The following ENO4 variants were observed in gnomAD, a reference collection of about 807,000 sequenced individuals.
The protein encoded by ENO4 is 2-phospho-D-glycerate hydro-lyase.
ENO4 carries 53 observed loss-of-function variants against 63.2 expected under a neutral mutation model. The ratio of observed to expected loss-of-function variants is 0.84; its 90% confidence interval spans 0.67 to 1.05. The LOEUF (loss-of-function observed/expected upper bound fraction) is 1.05, where lower values mean the gene tolerates loss of function less well. Among genes scored for constraint, ENO4 ranks in the 50% least tolerant of loss-of-function variants. The probability of loss-of-function intolerance (pLI) is 0.00; values close to 1 mark genes in which losing one functional copy is unlikely to be tolerated. For synonymous variants in ENO4, 266 were observed against 283.8 expected (o/e 0.94, Z 0.63); for missense variants, 719 against 772.0 (o/e 0.93, Z 0.81).
Position 116,871,166 on chromosome 10 carries a change from C to T in ENO4, c.1089C>T (p.Thr363=). 7 of 1,550,392 alleles carry T rather than the reference C, an allele frequency of 4.5e-6. No individual in the cohort carries two copies. The highest frequency in any genetic ancestry group is 6.1e-6 in the Non-Finnish European group (7 of 1,146,940). The change falls in exon 9 of 14, where the codon ACC becomes ACT. Residue 363 remains threonine, a synonymous_variant. Transcript: ENST00000341276. ...TGKMSHLGCL[T]INCDSIEQPL... ...AGATGTCTCATCTTGGCTGTTTAAC[C>T]ATTAACTGTGACTCCATAGAACAGC...
chr10:116,910,071 C>G (rs578044263), intron 10 of ENO4, among the ~76,000 whole-genome samples: 1 of 152,254 alleles, frequency 6.6e-6, no homozygotes, highest in African/African-American at 2.4e-5. Context: ...ACCCAAATGT[C>G]TGGCAGGTCG....
Position 116,881,829 on chromosome 10 carries a change from A to G in ENO4, c.*160A>G. The G allele has an allele frequency of 1.9e-6, 1 of 539,682 alleles. No homozygotes were observed. The highest frequency in any genetic ancestry group is 8.5e-5 in the South Asian group (1 of 11,764). 33.4% of individuals were successfully genotyped at this position (539,682 alleles called of 1,614,324 possible). A position where few individuals can be genotyped will look rare whatever the true frequency, so the allele number is the denominator to read the frequency against. On this transcript the variant is annotated 3_prime_UTR_variant, in exon 14 of 14. Coordinates refer to ENST00000341276, the MANE Select transcript of ENO4 (RefSeq NM_001242699.2). ...CACTGTTTGGTAAATTACATATATG[A>G]TGTTTTTGCCTGAAATTCTGTGAAC...
chr10:116,886,149 T>G (rs1023605638), downstream of ENO4: 2 of 750,724 alleles, frequency 2.7e-6, no homozygotes, highest in Non-Finnish European at 4.1e-6. Context: ...AACCAAAACC[T>G]ACTAGGAATG....
chr10:116,855,318 A>C (rs933051874), intron 1 of ENO4, among the ~76,000 whole-genome samples: 14 of 152,116 alleles, frequency 9.2e-5, no homozygotes, highest in African/African-American at 2.7e-4. Context: ...AATCAGTGAC[A>C]CAGGGCCTTT....
chr10:116,877,220 C>T (rs766250673), intron 11 of ENO4, among the ~76,000 whole-genome samples: 9 of 152,108 alleles, frequency 5.9e-5, no homozygotes, highest in Non-Finnish European at 1.5e-5. Flanking sequence ...TGTAAATTTC[C>T]TCCTATCATT....
intron 1 of ENO4, among the ~76,000 whole-genome samples, chr10:116,852,988 T>C (rs1222596547): frequency 6.6e-6 from 1 of 151,666 alleles, no homozygotes; most frequent in East Asian, 1.9e-4. Context: ...AGGTTTGGGG[T>C]GGTCTGTTAC....
At chr10:116,849,885 AAGGAGCGGGAAGGACACCC>A (rs1250422611) in intron 1 of ENO4, 154 bp downstream of exon 1, 3 of 858,518 alleles carry the variant, frequency 3.5e-6, no homozygotes, top group Non-Finnish European at 3.8e-6. Context: ...TTCTGGAGGG[AAGGAGCGGGAAGGACACCC>A]AGGGGTGAAG....
At chr10:116,886,490 G>C (rs754109130), downstream of ENO4, 1 of 1,614,080 alleles carries the variant, frequency 6.2e-7, no homozygotes, top group Non-Finnish European at 8.5e-7. Context: ...GTAGAAACAG[G>C]ATCTAAAACT....
rs551657754 is a variant in ENO4, at chr10:116,902,289, C to T, written c.1195-9210C>T. Among the ~76,000 whole-genome samples, 77 of 152,286 alleles carry T rather than the reference C, an allele frequency of 5.1e-4. 2 individuals carry two copies. Among genetic ancestry groups the T allele is most frequent in the South Asian group, 1.4e-3 (7 of 4,830 alleles). ...CTCATAGAGTATGGCTTTCTGACAG[C>T]CCTACTCGAACCATTTCGCCTCTCA... On this transcript the variant is annotated intron_variant, in intron 10 of 10. Coordinates refer to the ENO4 transcript ENST00000369207.
intron 13 of ENO4, 44 bp from the exon 14 acceptor site, chr10:116,881,471 G>C: frequency 7.0e-7 from 1 of 1,426,712 alleles, no homozygotes; most frequent in Non-Finnish European, 9.4e-7. Flanking sequence ...ATAAAAACTG[G>C]CACCATTGGA....
chr10:116,901,899 T>C (rs764521211), intron 10 of ENO4: 22 of 1,608,096 alleles, frequency 1.4e-5, no homozygotes, highest in Non-Finnish European at 1.7e-5. Flanking sequence ...TTACACTGGA[T>C]ACAGAACCCA....
intron 6 of ENO4, among the ~76,000 whole-genome samples, chr10:116,861,923 A>G (rs189526686): frequency 1.9e-4 from 29 of 152,270 alleles, no homozygotes; most frequent in Admixed American, 1.8e-3. Flanking sequence ...GAAGAATACT[A>G]TTTATATCTG....
At chr10:116,896,001 T>C (rs1006899652) in intron 10 of ENO4, among the ~76,000 whole-genome samples, 1 of 152,180 alleles carries the variant, frequency 6.6e-6, no homozygotes, top group African/African-American at 2.4e-5. Context: ...GCTGGTTCCA[T>C]TACCGATAGC....
intron 10 of ENO4, chr10:116,900,251 T>C (rs1334044157): frequency 1.0e-5 from 4 of 382,302 alleles, no homozygotes; most frequent in African/African-American, 2.0e-5. Flanking sequence ...TCCACAGTAT[T>C]TGTATTAGAG....
At chr10:116,877,683 G>T (rs1846878062) in intron 11 of ENO4, among the ~76,000 whole-genome samples, 1 of 152,152 alleles carries the variant, frequency 6.6e-6, no homozygotes, top group Non-Finnish European at 1.5e-5. Flanking sequence ...TCCCAGCAAT[G>T]GGGATCAGGG....
intron 11 of ENO4, among the ~76,000 whole-genome samples, chr10:116,878,554 GC>G (rs1846900755): frequency 1.3e-5 from 2 of 151,996 alleles, no homozygotes; most frequent in South Asian, 4.2e-4. Flanking sequence ...CATTACGTAG[GC>G]ATACCAACTC....
At chr10:116,881,189 T>TTG (rs1210239917) in intron 13 of ENO4, among the ~76,000 whole-genome samples, 1 of 152,238 alleles carries the variant, frequency 6.6e-6, no homozygotes, top group Middle Eastern at 3.2e-3. Flanking sequence ...TGGCAGTGGC[T>TTG]TGTATCATGC....
intron 10 of ENO4, among the ~76,000 whole-genome samples, chr10:116,891,196 G>A (rs559180973): frequency 6.6e-6 from 1 of 152,332 alleles, no homozygotes; most frequent in South Asian, 2.1e-4. Context: ...CTTTTAAGCG[G>A]TGAGAGTTAT....
intron 10 of ENO4, among the ~76,000 whole-genome samples, chr10:116,903,654 G>A (rs1400045372): frequency 6.6e-6 from 1 of 152,100 alleles, no homozygotes; most frequent in Admixed American, 6.5e-5. Context: ...ATATAAATAC[G>A]AAGTTGAATT....
Sources: gnomAD v4.1 joint callset for allele counts (sites outside exome capture counted in the v4.1 genomes callset) on GRCh38, gnomAD v4.1.1 for gene constraint, MANE v1.5 for transcripts, NCBI Gene and HGNC (gene_info 2026-07-23, HGNC 2026-07-21) for gene names.